PTTG1IP: variants seen among roughly 807,000 people sequenced by gnomAD.
PTTG1IP encodes the protein pituitary tumor-transforming gene 1 protein-interacting protein.
Under a neutral mutation model 24.4 loss-of-function variants are expected in PTTG1IP, and 16 were observed. The ratio of observed to expected loss-of-function variants is 0.66; its 90% confidence interval spans 0.44 to 1.00. PTTG1IP has a LOEUF of 1.00. Ranked by LOEUF, PTTG1IP falls within the 50% of genes least tolerant of loss-of-function variation. PTTG1IP has a pLI of 0.00. For missense variants in PTTG1IP, 241 were observed against 245.8 expected (o/e 0.98, Z 0.13); for synonymous variants, 89 against 96.8 (o/e 0.92, Z 0.47).
At position 44,855,203 on chromosome 21, in the gene PTTG1IP, T is replaced by C. The variant is rs2083439664; in HGVS notation, c.496+7A>G. On this transcript the variant is annotated splice_region_variant and intron_variant, in intron 5 of 5. Transcript: ENST00000330938. ...CCAGACAAAAAGGAGGCGTGACCAG[T>C]CCTTACCATATTTTTTTCTGATTTC... 1.2e-6 allele frequency: 2 copies of C among 1,607,636 alleles called. No individual in the cohort carries two copies. Among genetic ancestry groups the C allele is most frequent in the East Asian group, 4.5e-5 (2 of 44,838 alleles).
chr21:44,863,296 G>A (rs1004278121), intron 2 of PTTG1IP, among the ~76,000 whole-genome samples: 2 of 138,414 alleles, frequency 1.4e-5, no homozygotes, highest in Admixed American at 7.1e-5. Flanking sequence ...AGCCCGCCAC[G>A]GCCTCAGGAG....
At chr21:44,863,087 C>A (rs1246510540) in intron 2 of PTTG1IP, among the ~76,000 whole-genome samples, 1 of 130,008 alleles carries the variant, frequency 7.7e-6, no homozygotes, top group Non-Finnish European at 1.7e-5. Flanking sequence ...GCCTCGGCAA[C>A]ACAGAGACAC....
intron 1 of PTTG1IP, among the ~76,000 whole-genome samples, chr21:44,870,169 C>T (rs2083572807): frequency 6.6e-6 from 1 of 152,192 alleles, no homozygotes; most frequent in Non-Finnish European, 1.5e-5. Context: ...CCAATGTTTA[C>T]AGTCCTCATG....
At chr21:44,857,251 A>G (rs772088638) in intron 3 of PTTG1IP, among the ~76,000 whole-genome samples, 1 of 152,176 alleles carries the variant, frequency 6.6e-6, no homozygotes, top group African/African-American at 2.4e-5. Flanking sequence ...CCAAATCGGG[A>G]GGATTGCTTG....
At chr21:44,863,860 T>C (rs17004712) in intron 2 of PTTG1IP, among the ~76,000 whole-genome samples, 5,034 of 152,342 alleles carry the variant, frequency 0.033, 290 homozygotes, top group African/African-American at 0.11. Context: ...TGACAGGGTG[T>C]GTCTCGAACC....
At chr21:44,865,776 G>T in intron 1 of PTTG1IP, 1 of 425,962 alleles carries the variant, frequency 2.3e-6, no homozygotes, top group Non-Finnish European at 4.3e-6. Flanking sequence ...GTGCCCTGTG[G>T]CTGTGTAATC....
rs1435975967 is a variant in PTTG1IP at position 44,851,488 on chromosome 21, A to C, written c.*93T>G. On this transcript the variant is annotated 3_prime_UTR_variant, in exon 6 of 6. Transcript: ENST00000330938. ...GCTGGCAGGTTCACTGGCCAAGGTC[A>C]GGAGACCGCAATGGCCACGTGGTCT... is the stretch of plus-strand genomic sequence containing the variant. The C allele has an allele frequency of 8.7e-6, 14 of 1,613,180 alleles. No homozygotes were observed. The highest frequency in any genetic ancestry group is 1.2e-5 in the Non-Finnish European group (14 of 1,179,972).
intron 1 of PTTG1IP, 91 bp downstream of exon 1, chr21:44,873,411 G>C: frequency 8.6e-7 from 1 of 1,164,556 alleles, no homozygotes; most frequent in Non-Finnish European, 1.1e-6. Flanking sequence ...GCCGAGCCCA[G>C]CGCCCTGGCC....
intron 3 of PTTG1IP, 71 bp from the exon 4 acceptor site, chr21:44,856,435 C>T (rs775876243): frequency 4.0e-5 from 60 of 1,495,774 alleles, no homozygotes; most frequent in Non-Finnish European, 5.0e-5. Context: ...AGCCTTCCCT[C>T]GCCCCTGGGG....
chr21:44,861,147 G>GA lies in PTTG1IP; in HGVS notation c.277+15dup. 6.3e-6 allele frequency: 10 copies of GA among 1,599,304 alleles called. No individual in the cohort carries two copies. The highest frequency in any genetic ancestry group is 8.5e-6 in the Non-Finnish European group (10 of 1,170,352). On this transcript the variant is annotated intron_variant, in intron 3 of 5. Transcript: ENST00000330938. ...AGCATCGATTTTGCAAGCAGCAAAT[G>GA]AAAACAATGACTTACCCCAACAAAC...
intron 3 of PTTG1IP, 68 bp downstream of exon 3, chr21:44,861,094 GC>G: frequency 1.4e-6 from 2 of 1,393,774 alleles, no homozygotes; most frequent in Non-Finnish European, 2.0e-6. Flanking sequence ...GAGCCACCGC[GC>G]CCGGCCCATA....
chr21:44,872,980 G>A (rs886820338), intron 1 of PTTG1IP: 1 of 152,316 alleles, frequency 6.6e-6, no homozygotes, highest in Admixed American at 6.5e-5. Context: ...GTGGAACTGC[G>A]GCCGGGAGGG....
chr21:44,859,347 A>G (rs1044011998), intron 3 of PTTG1IP, among the ~76,000 whole-genome samples: 7 of 152,238 alleles, frequency 4.6e-5, no homozygotes, highest in Non-Finnish European at 7.3e-5. Flanking sequence ...GTGAGTGGTG[A>G]TAACCTGTAT....
chr21:44,865,763 A>G (rs2146467902), intron 1 of PTTG1IP: 1 of 468,286 alleles, frequency 2.1e-6, no homozygotes. Context: ...TGTGAGAGGA[A>G]GTGTGCCCTG....
intron 1 of PTTG1IP, among the ~76,000 whole-genome samples, chr21:44,866,705 A>AC (rs1491477299): frequency 6.6e-6 from 1 of 151,616 alleles, no homozygotes; most frequent in Non-Finnish European, 1.5e-5. Context: ...ACACACACAC[A>AC]AACACAGTGC....
At chr21:44,858,625 C>G (rs752875843) in intron 3 of PTTG1IP, among the ~76,000 whole-genome samples, 3 of 152,186 alleles carry the variant, frequency 2.0e-5, no homozygotes, top group Non-Finnish European at 2.9e-5. Context: ...CGTGTGGTGC[C>G]CCCTCCCCAC....
At chr21:44,871,975 A>C (rs2083590016) in intron 1 of PTTG1IP, among the ~76,000 whole-genome samples, 1 of 152,026 alleles carries the variant, frequency 6.6e-6, no homozygotes, top group Non-Finnish European at 1.5e-5. Context: ...CACACTGTCC[A>C]CTCCACTCGT....
chr21:44,857,754 A>C (rs953048039), intron 3 of PTTG1IP, among the ~76,000 whole-genome samples: 2 of 152,188 alleles, frequency 1.3e-5, no homozygotes, highest in Non-Finnish European at 2.9e-5. Context: ...CGCATTTCTT[A>C]GTTTATTAAA....
intron 5 of PTTG1IP, among the ~76,000 whole-genome samples, chr21:44,852,091 T>A (rs542339863): frequency 6.6e-6 from 1 of 152,214 alleles, no homozygotes; most frequent in Non-Finnish European, 1.5e-5. Flanking sequence ...TATTTAATCA[T>A]AAGAGTAAAC....
Sources: gnomAD v4.1 joint callset for allele counts (sites outside exome capture counted in the v4.1 genomes callset) on GRCh38, gnomAD v4.1.1 for gene constraint, MANE v1.5 for transcripts, NCBI Gene and HGNC (gene_info 2026-07-23, HGNC 2026-07-21) for gene names.